SMARCA5: variants seen among roughly 807,000 people sequenced by gnomAD.
SMARCA5 encodes the protein SNF2 related chromatin remodeling ATPase 5.
In SMARCA5, 18 loss-of-function variants were observed where a neutral mutation model predicts 140.4. That is an observed-to-expected ratio of 0.13 (90% confidence interval 0.09 to 0.19). The LOEUF (loss-of-function observed/expected upper bound fraction) is 0.19, where lower values mean the gene tolerates loss of function less well. SMARCA5 is among the 10% of genes least tolerant of loss of function. The probability of loss-of-function intolerance (pLI) is 1.00; values close to 1 mark genes in which losing one functional copy is unlikely to be tolerated. For synonymous variants in SMARCA5, 449 were observed against 419.6 expected (o/e 1.07, Z -0.86); for missense variants, 606 against 1,276.8 (o/e 0.47, Z 8.01).
rs1578801854 is a variant in SMARCA5, at chr4:143,540,617, G to A, written c.1903+122G>A. 2.6e-5 allele frequency: 23 copies of A among 877,580 alleles called. No homozygotes were observed. In the East Asian group the frequency reaches 6.0e-4, roughly 23 times the overall value. The allele number at this position is 877,580 out of a possible 1,614,324, so 54.4% of individuals were successfully genotyped here. ...TTGAGTCAAGCTTGCAGCCAGTAGA[G>A]ATGACTTGTATTGCAAATACAGTAA... On this transcript the variant is annotated intron_variant, in intron 14 of 23. Coordinates refer to ENST00000283131, the MANE Select transcript of SMARCA5 (RefSeq NM_003601.4).
At chr4:143,545,620 C>G in intron 18 of SMARCA5, 37 bp downstream of exon 18, 2 of 1,228,482 alleles carry the variant, frequency 1.6e-6, no homozygotes, top group Non-Finnish European at 2.4e-6. Context: ...TCATTCCTAT[C>G]CAGAAATTAT....
In SMARCA5 at chr4:143,525,564, A is replaced by T; in HGVS notation, c.621+13A>T. On this transcript the variant is annotated intron_variant, in intron 5 of 23. Transcript: ENST00000283131. ...TGCAGATGAAATGGTATGTGTTGGT[A>T]GTTTTTTTTGAAGGGTATGTTTTGT... 1 of 1,546,602 alleles carries T rather than the reference A, an allele frequency of 6.5e-7. No homozygotes were observed. Among genetic ancestry groups the T allele is most frequent in the South Asian group, 1.1e-5 (1 of 89,694 alleles).
In SMARCA5 at chr4:143,538,577, T is replaced by C. The variant is rs1472171815; in HGVS notation, c.1496-13T>C. On this transcript the variant is annotated splice_polypyrimidine_tract_variant and intron_variant, in intron 11 of 23. Transcript: ENST00000283131. ...TGAAGCCACTGATAATAGATTGTTA[T>C]ATTCCCCAACAGGTTCACGAGTACT... The C allele has an allele frequency of 1.3e-5, 21 of 1,610,320 alleles. No homozygotes were observed. The highest frequency in any genetic ancestry group is 5.0e-5 in the Admixed American group (3 of 59,706).
chr4:143,545,384 G>A (rs1017053543), intron 17 of SMARCA5, 86 bp from the exon 18 acceptor site: 4 of 791,132 alleles, frequency 5.1e-6, no homozygotes, highest in African/African-American at 3.5e-5. Context: ...AGAATTGGCT[G>A]TTGTGGTTTA....
chr4:143,520,404 A>C (rs970237036), intron 2 of SMARCA5, among the ~76,000 whole-genome samples: 1 of 152,196 alleles, frequency 6.6e-6, no homozygotes, highest in African/African-American at 2.4e-5. Flanking sequence ...GTTACTGTGC[A>C]GATTCATTTG....
At chr4:143,549,718 A>G (rs1275838472) in intron 22 of SMARCA5, among the ~76,000 whole-genome samples, 2 of 152,112 alleles carry the variant, frequency 1.3e-5, no homozygotes, top group Non-Finnish European at 2.9e-5. Context: ...AGTATTGCAT[A>G]TGTTCATTTT....
intron 2 of SMARCA5, among the ~76,000 whole-genome samples, chr4:143,517,977 G>A (rs545436391): frequency 6.6e-6 from 1 of 152,210 alleles, no homozygotes; most frequent in South Asian, 2.1e-4. Context: ...AACATAATAT[G>A]ATGTCATTAT....
chr4:143,514,755 C>G (rs1736790932), intron 1 of SMARCA5: 1 of 152,202 alleles, frequency 6.6e-6, no homozygotes, highest in South Asian at 2.1e-4. Context: ...GCAGCTGTCT[C>G]GGATCCCCCG....
chr4:143,529,801 A>G (rs1737149134), intron 8 of SMARCA5, among the ~76,000 whole-genome samples: 1 of 152,190 alleles, frequency 6.6e-6, no homozygotes, highest in Admixed American at 6.5e-5. Flanking sequence ...GTAAAAAGAT[A>G]TTTAATCAGA....
chr4:143,541,641 T>C (rs1334353182), intron 14 of SMARCA5, among the ~76,000 whole-genome samples: 2 of 152,214 alleles, frequency 1.3e-5, no homozygotes, highest in Non-Finnish European at 2.9e-5. Flanking sequence ...TTGTTCATTG[T>C]ACATACAGCT....
intron 2 of SMARCA5, among the ~76,000 whole-genome samples, chr4:143,518,734 A>T (rs987126212): frequency 6.6e-6 from 1 of 152,170 alleles, no homozygotes; most frequent in Admixed American, 6.5e-5. Context: ...ACATATGTAT[A>T]TATGTAACTG....
At chr4:143,547,829 T>C (rs1737563000) in intron 21 of SMARCA5, 99 bp from the exon 22 acceptor site, 4 of 707,996 alleles carry the variant, frequency 5.6e-6, no homozygotes, top group East Asian at 5.5e-5. Context: ...AAATTCTGAT[T>C]TGAAATGCAA....
Position 143,530,490 on chromosome 4 carries a change from C to T in SMARCA5, c.1122C>T (p.Cys374=). ...DFDSWFDTNN[C]LGDQKLVERL... ...ATTCCTGGTTTGATACAAACAACTG[C>T]CTTGGGGATCAAAAACTAGTTGAGA... Residue 374 remains cysteine (C), a synonymous_variant, in exon 9 of 24, where the codon TGC becomes TGT. Transcript: ENST00000283131. The T allele has an allele frequency of 6.2e-7, 1 of 1,611,292 alleles. No individual in the cohort carries two copies. Among genetic ancestry groups the T allele is most frequent in the Non-Finnish European group, 8.5e-7 (1 of 1,178,586 alleles).
intron 21 of SMARCA5, 70 bp from the exon 22 acceptor site, chr4:143,547,858 T>G: frequency 2.1e-6 from 2 of 936,790 alleles, no homozygotes; most frequent in Non-Finnish European, 3.1e-6. Context: ...CTAATTATAC[T>G]AAAGCTGAGT....
At chr4:143,531,790 TC>T (rs1737191065) in intron 9 of SMARCA5, among the ~76,000 whole-genome samples, 1 of 152,232 alleles carries the variant, frequency 6.6e-6, no homozygotes, top group African/African-American at 2.4e-5. Context: ...GTAATTCTAA[TC>T]TATTTTTGCT....
intron 8 of SMARCA5, 48 bp from the exon 9 acceptor site, chr4:143,530,410 T>A: frequency 8.1e-7 from 1 of 1,235,898 alleles, no homozygotes; most frequent in Non-Finnish European, 1.2e-6. Context: ...ATAGGGTATT[T>A]GTTAATATTA....
intron 6 of SMARCA5, among the ~76,000 whole-genome samples, chr4:143,527,287 C>T (rs779585274): frequency 3.3e-5 from 5 of 151,908 alleles, no homozygotes; most frequent in Non-Finnish European, 5.9e-5. Flanking sequence ...TTTTTTATTT[C>T]CTCTTCATTT....
intron 2 of SMARCA5, among the ~76,000 whole-genome samples, chr4:143,520,169 A>G (rs988853639): frequency 6.6e-6 from 1 of 152,144 alleles, no homozygotes; most frequent in African/African-American, 2.4e-5. Context: ...CTTGATTCCA[A>G]ACATAATTAC....
Position 143,547,973 on chromosome 4 carries a change from G to A in SMARCA5, c.2818G>A (p.Gly940Ser). 1 of 1,610,524 alleles carries A rather than the reference G, an allele frequency of 6.2e-7. No individual in the cohort carries two copies. The highest frequency in any genetic ancestry group is 8.5e-7 in the Non-Finnish European group (1 of 1,177,706). Residue 940 changes from glycine to serine, a missense_variant, in exon 22 of 24, where the codon GGT becomes AGT. Coordinates refer to ENST00000283131, the MANE Select transcript of SMARCA5 (RefSeq NM_003601.4). ...TTTTCATCAGCTGAGAATATCATAT[G>A]GTACTAACAAAGGAAAAAACTATAC... ...APFHQLRISY[G>S]TNKGKNYTEE...
Sources: gnomAD v4.1 joint callset for allele counts (sites outside exome capture counted in the v4.1 genomes callset) on GRCh38, gnomAD v4.1.1 for gene constraint, MANE v1.5 for transcripts, NCBI Gene and HGNC (gene_info 2026-07-23, HGNC 2026-07-21) for gene names.